The following BRINP1 variants were observed in gnomAD, a reference collection of about 807,000 sequenced individuals.
BRINP1 encodes BMP/retinoic acid-inducible neural-specific protein 1.
BRINP1 carries 17 observed loss-of-function variants against 72.9 expected under a neutral mutation model. The observed-to-expected ratio is 0.23, with a 90% confidence interval of 0.16 to 0.35. The LOEUF (loss-of-function observed/expected upper bound fraction) is 0.35. Ranked by LOEUF, BRINP1 falls within the 10% of genes least tolerant of loss-of-function variation. The pLI is 1.00. For synonymous variants in BRINP1, 418 were observed against 378.5 expected (o/e 1.10, Z -1.21); for missense variants, 850 against 1,001.6 (o/e 0.85, Z 2.04).
At chr9:119,286,922 C>T (rs1383692687) in intron 2 of BRINP1, among the ~76,000 whole-genome samples, 3 of 152,196 alleles carry the variant, frequency 2.0e-5, no homozygotes, top group Admixed American at 1.3e-4. Flanking sequence ...AAATGTTTTT[C>T]TAGACCTAAA....
At position 119,321,226 on chromosome 9, in the gene BRINP1, C is replaced by A. The variant is rs374276726; in HGVS notation, c.-50-7821G>T. Among the ~76,000 whole-genome samples, 45 of 152,102 alleles carry A rather than the reference C, an allele frequency of 3.0e-4. No homozygotes were observed. The South Asian group carries it at 3.1e-3, about 11-fold the overall frequency. ...GATTACAGGCGTGAGCCACCGCACC[C>A]GGCCATTGGTCCCCATTTTATACAT... is the stretch of plus-strand genomic sequence containing the variant. On this transcript the variant is annotated intron_variant, in intron 1 of 7. Coordinates refer to ENST00000265922, the MANE Select transcript of BRINP1 (RefSeq NM_014618.3).
At chr9:119,315,171 TACTTC>T (rs1376117237) in intron 1 of BRINP1, among the ~76,000 whole-genome samples, 1 of 152,218 alleles carries the variant, frequency 6.6e-6, no homozygotes, top group African/African-American at 2.4e-5. Context: ...CATTTTATTG[TACTTC>T]ACTTTATTGA....
At chr9:119,347,448 T>C (rs1254695760) in intron 1 of BRINP1, among the ~76,000 whole-genome samples, 1 of 152,200 alleles carries the variant, frequency 6.6e-6, no homozygotes, top group Non-Finnish European at 1.5e-5. Context: ...ATGATGAATA[T>C]AAACCATGAA....
At chr9:119,181,319 T>C (rs977135182) in intron 7 of BRINP1, among the ~76,000 whole-genome samples, 2 of 152,160 alleles carry the variant, frequency 1.3e-5, no homozygotes, top group African/African-American at 4.8e-5. Flanking sequence ...GTCATCTAGA[T>C]CTATGATCTT....
intron 2 of BRINP1, among the ~76,000 whole-genome samples, chr9:119,292,843 T>C (rs997819154): frequency 6.6e-6 from 1 of 152,176 alleles, no homozygotes; most frequent in African/African-American, 2.4e-5. Flanking sequence ...TTTACAGCGG[T>C]GACTAGATGA....
At chr9:119,354,522 C>A (rs940924311) in intron 1 of BRINP1, among the ~76,000 whole-genome samples, 1 of 152,066 alleles carries the variant, frequency 6.6e-6, no homozygotes, top group African/African-American at 2.4e-5. Context: ...TCTCAGGCTT[C>A]ATTTTACAAG....
At chr9:119,291,135 A>T (rs1830818356) in intron 2 of BRINP1, among the ~76,000 whole-genome samples, 1 of 151,910 alleles carries the variant, frequency 6.6e-6, no homozygotes, top group Admixed American at 6.6e-5. Flanking sequence ...AAAAAAAAAA[A>T]AAAAATTAGA....
At chr9:119,208,981 G>T (rs1226513228) in intron 6 of BRINP1, 40 bp from the exon 7 acceptor site, 1 of 1,532,294 alleles carries the variant, frequency 6.5e-7, no homozygotes, top group Non-Finnish European at 9.0e-7. Flanking sequence ...GGCTAAGCAT[G>T]ATAACACCCA....
At chr9:119,353,867 G>T (rs1174350431) in intron 1 of BRINP1, among the ~76,000 whole-genome samples, 1 of 95,086 alleles carries the variant, frequency 1.1e-5, no homozygotes, top group African/African-American at 4.1e-5. Context: ...CAATTTCACA[G>T]CCCACGGTGA....
chr9:119,176,666 C>A (rs1343702841), intron 7 of BRINP1, among the ~76,000 whole-genome samples: 1 of 152,074 alleles, frequency 6.6e-6, no homozygotes, highest in East Asian at 1.9e-4. Flanking sequence ...CTTAAAAGAG[C>A]CTGGCACAGA....
At chr9:119,182,197 A>C (rs1054883602) in intron 7 of BRINP1, among the ~76,000 whole-genome samples, 1 of 152,244 alleles carries the variant, frequency 6.6e-6, no homozygotes, top group Non-Finnish European at 1.5e-5. Context: ...TAAATGAAAA[A>C]AGTAAAACAA....
intron 5 of BRINP1, among the ~76,000 whole-genome samples, chr9:119,226,602 G>C (rs1047975537): frequency 2.0e-5 from 3 of 151,970 alleles, no homozygotes; most frequent in Non-Finnish European, 4.4e-5. Context: ...CTGTAGGTCA[G>C]AAGCAGCTCT....
intron 5 of BRINP1, among the ~76,000 whole-genome samples, chr9:119,220,965 C>A (rs1830035094): frequency 6.6e-6 from 1 of 152,012 alleles, no homozygotes; most frequent in South Asian, 2.1e-4. Flanking sequence ...TTTTGGTAAG[C>A]TTTATTTTGT....
chr9:119,262,035 C>T (rs565376057), intron 2 of BRINP1, among the ~76,000 whole-genome samples: 28 of 152,236 alleles, frequency 1.8e-4, no homozygotes, highest in African/African-American at 6.7e-4. Context: ...GTATGTTGGT[C>T]AACTATATAT....
rs1054250284 is a variant in BRINP1, at chr9:119,342,218, T to C, written c.-51+26838A>G. Among the ~76,000 whole-genome samples the C allele has an allele frequency of 2.5e-4, 38 of 152,308 alleles. 1 individual carries two copies. The highest frequency in any genetic ancestry group is 7.2e-4 in the African/African-American group (30 of 41,558). ...TATTTACTCATACAGTTACCCTCTA[T>C]GTAGTGTAAATAATACTTTTTTCAG... On this transcript the variant is annotated intron_variant, in intron 1 of 7. Coordinates refer to ENST00000265922, the MANE Select transcript of BRINP1 (RefSeq NM_014618.3).
At chr9:119,280,958 A>C (rs1327761995) in intron 2 of BRINP1, among the ~76,000 whole-genome samples, 2 of 152,226 alleles carry the variant, frequency 1.3e-5, no homozygotes, top group Non-Finnish European at 2.9e-5. Flanking sequence ...ATGTGGGTAA[A>C]GCCACAGAGG....
At chr9:119,363,649 C>T (rs1831657986) in intron 1 of BRINP1, among the ~76,000 whole-genome samples, 2 of 152,180 alleles carry the variant, frequency 1.3e-5, no homozygotes, top group African/African-American at 4.8e-5. Flanking sequence ...ATTCATCTCG[C>T]TCCTCTAGAG....
At chr9:119,168,562 A>G (rs1829349602) in intron 7 of BRINP1, among the ~76,000 whole-genome samples, 5 of 152,196 alleles carry the variant, frequency 3.3e-5, no homozygotes. Context: ...AGGAAATGAA[A>G]GTGTCTAGAC....
At chr9:119,356,261 G>T (rs148514384) in intron 1 of BRINP1, among the ~76,000 whole-genome samples, 1 of 152,236 alleles carries the variant, frequency 6.6e-6, no homozygotes, top group East Asian at 1.9e-4. Context: ...ATCCCAGTGA[G>T]GGCTTTTCCT....
Sources: allele counts gnomAD v4.1 joint callset (sites outside exome capture counted in the v4.1 genomes callset), GRCh38; gene constraint gnomAD v4.1.1; transcripts MANE v1.5; gene names NCBI Gene and HGNC (gene_info 2026-07-23, HGNC 2026-07-21).